Variants in GALNT13 observed in about 807,000 individuals in gnomAD.
The protein encoded by GALNT13 is polypeptide N-acetylgalactosaminyltransferase 13.
In GALNT13, 28 loss-of-function variants were observed where a neutral mutation model predicts 64.2. That is an observed-to-expected ratio of 0.44 (90% confidence interval 0.32 to 0.60). GALNT13 has a LOEUF of 0.60. GALNT13 is among the 20% of genes least tolerant of loss of function. The probability of loss-of-function intolerance (pLI) is 0.05; values close to 1 mark genes in which losing one functional copy is unlikely to be tolerated. For missense variants in GALNT13, 577 were observed against 669.8 expected, an observed-to-expected ratio of 0.86 and a Z score of 1.53; for synonymous variants, 214 against 224.6, an observed-to-expected ratio of 0.95 and a Z score of 0.42.
intron 3 of GALNT13, among the ~76,000 whole-genome samples, chr2:153,970,905 T>C (rs1381725730): frequency 1.3e-5 from 2 of 152,190 alleles, no homozygotes; most frequent in Non-Finnish European, 2.9e-5. Context: ...GATCATGCCA[T>C]TCCTCTGCTC....
chr2:153,618,069 G>T, the GALNT13 span, among the ~76,000 whole-genome samples: 56 of 151,606 alleles, frequency 3.7e-4, no homozygotes, highest in African/African-American at 1.3e-3. Flanking sequence ...ACTAATTCTG[G>T]GTTTGGTTTG....
chr2:153,777,010 C>T, the GALNT13 span, among the ~76,000 whole-genome samples: 1 of 152,074 alleles, frequency 6.6e-6, no homozygotes, highest in African/African-American at 2.4e-5. Flanking sequence ...CTAAACATAC[C>T]TGTGGAAGTG....
chr2:153,299,464 C>G, the GALNT13 span, among the ~76,000 whole-genome samples: 1 of 152,192 alleles, frequency 6.6e-6, no homozygotes. Context: ...TGTTAGTCAA[C>G]CCAGACCTGA....
At chr2:153,197,371 C>A in the GALNT13 span, among the ~76,000 whole-genome samples, 2 of 152,212 alleles carry the variant, frequency 1.3e-5, no homozygotes, top group Non-Finnish European at 2.9e-5. Flanking sequence ...TGTGCATGGA[C>A]ATAGGCTGTG....
chr2:153,246,498 A>T, the GALNT13 span, among the ~76,000 whole-genome samples: 2 of 152,236 alleles, frequency 1.3e-5, no homozygotes, highest in African/African-American at 4.8e-5. Context: ...AATATTCAAC[A>T]TTCTTAAAGA....
intron 3 of GALNT13, among the ~76,000 whole-genome samples, chr2:154,043,050 T>C (rs2105330189): frequency 6.6e-6 from 1 of 152,202 alleles, no homozygotes; most frequent in Non-Finnish European, 1.5e-5. Context: ...AAATTTGAAC[T>C]GTTTGAACTA....
At chr2:153,787,173 C>T in the GALNT13 span, among the ~76,000 whole-genome samples, 1 of 152,112 alleles carries the variant, frequency 6.6e-6, no homozygotes, top group African/African-American at 2.4e-5. Context: ...ATGTCCAGCA[C>T]TCAAATGGGA....
chr2:153,795,965 G>T, the GALNT13 span, among the ~76,000 whole-genome samples: 2 of 152,122 alleles, frequency 1.3e-5, no homozygotes, highest in East Asian at 3.8e-4. Context: ...CTGTTCTTGC[G>T]TGTTTTCACC....
the GALNT13 span, among the ~76,000 whole-genome samples, chr2:153,068,986 G>A: frequency 6.6e-6 from 1 of 152,184 alleles, no homozygotes; most frequent in Non-Finnish European, 1.5e-5. Flanking sequence ...TTGTCTCTCT[G>A]TTCAGCCAGT....
chr2:153,081,237 G>A, the GALNT13 span, among the ~76,000 whole-genome samples: 5,174 of 150,644 alleles, frequency 0.034, 176 homozygotes, highest in East Asian at 0.17. Context: ...AATTTTTTTT[G>A]GTACATAGTA....
chr2:154,011,417 G>A (rs560626725), intron 3 of GALNT13, among the ~76,000 whole-genome samples: 11 of 152,038 alleles, frequency 7.2e-5, no homozygotes, highest in South Asian at 4.2e-4. Context: ...TTTTTATAGC[G>A]CTGTGGTCTG....
the GALNT13 span, among the ~76,000 whole-genome samples, chr2:153,729,571 G>C: frequency 6.6e-6 from 1 of 151,748 alleles, no homozygotes; most frequent in Non-Finnish European, 1.5e-5. Flanking sequence ...TTGATGTAAG[G>C]GTTCGAGTCA....
At chr2:154,090,633 A>T (rs1205091404) in intron 3 of GALNT13, among the ~76,000 whole-genome samples, 1 of 151,996 alleles carries the variant, frequency 6.6e-6, no homozygotes, top group Non-Finnish European at 1.5e-5. Context: ...TCCATAATTC[A>T]TTTATTGTTC....
At chr2:154,043,676 G>A (rs568629650) in intron 3 of GALNT13, among the ~76,000 whole-genome samples, 2 of 152,072 alleles carry the variant, frequency 1.3e-5, no homozygotes, top group South Asian at 2.1e-4. Context: ...TTCATTGAAT[G>A]TCTGACTTGC....
the GALNT13 span, among the ~76,000 whole-genome samples, chr2:153,471,365 C>T: frequency 1.3e-5 from 2 of 152,130 alleles, no homozygotes; most frequent in African/African-American, 4.8e-5. Context: ...GGCAAGGCCT[C>T]TTTCTCCTTT....
At chr2:154,133,962 C>T (rs1682798403) in intron 3 of GALNT13, among the ~76,000 whole-genome samples, 1 of 152,094 alleles carries the variant, frequency 6.6e-6, no homozygotes, top group South Asian at 2.1e-4. Flanking sequence ...ATCTAGGTTA[C>T]TGTTGGTAGT....
At chr2:153,203,563 A>G in the GALNT13 span, among the ~76,000 whole-genome samples, 2 of 152,186 alleles carry the variant, frequency 1.3e-5, no homozygotes, top group African/African-American at 2.4e-5. Flanking sequence ...GATTTTCCCC[A>G]TGGAAAATGG....
the GALNT13 span, among the ~76,000 whole-genome samples, chr2:153,758,498 T>G: frequency 6.6e-6 from 1 of 152,170 alleles, no homozygotes; most frequent in South Asian, 2.1e-4. Context: ...TTTATATAAA[T>G]TTTAGTTATT....
chr2:153,564,005 TG>T, the GALNT13 span, among the ~76,000 whole-genome samples: 37 of 152,190 alleles, frequency 2.4e-4, no homozygotes, highest in African/African-American at 8.4e-4. Flanking sequence ...GTGAATTTGG[TG>T]GGTTACTTAT....
Sources: allele counts gnomAD v4.1 joint callset (sites outside exome capture counted in the v4.1 genomes callset), GRCh38; gene constraint gnomAD v4.1.1; transcripts MANE v1.5; gene names NCBI Gene and HGNC (gene_info 2026-07-23, HGNC 2026-07-21).